Variants in ADGRL3 observed in about 807,000 individuals in gnomAD.
ADGRL3 encodes the protein adhesion G protein-coupled receptor L3.
ADGRL3 carries 62 observed loss-of-function variants against 153.5 expected under a neutral mutation model. The ratio of observed to expected loss-of-function variants is 0.40; its 90% confidence interval spans 0.33 to 0.50. The LOEUF (loss-of-function observed/expected upper bound fraction) is 0.50. ADGRL3 is among the 20% of genes least tolerant of loss of function. The probability of loss-of-function intolerance (pLI) is 0.47; values close to 1 mark genes in which losing one functional copy is unlikely to be tolerated. For synonymous variants in ADGRL3, 710 were observed against 672.5 expected (o/e 1.06, Z -0.86); for missense variants, 1,641 against 1,859.4 (o/e 0.88, Z 2.16).
At chr4:61,636,343 G>T (rs1397940488) in intron 5 of ADGRL3, among the ~76,000 whole-genome samples, 1 of 152,122 alleles carries the variant, frequency 6.6e-6, no homozygotes, top group Non-Finnish European at 1.5e-5. Context: ...ATCAGTAAAG[G>T]ATTTTAAAAT....
At chr4:61,339,742 T>G (rs2095764573) in intron 1 of ADGRL3, among the ~76,000 whole-genome samples, 2 of 152,346 alleles carry the variant, frequency 1.3e-5, no homozygotes, top group East Asian at 1.9e-4. Flanking sequence ...TGTCTTGCCC[T>G]TTGTACATTA....
chr4:61,346,468 A>C (rs1578366309), intron 1 of ADGRL3, among the ~76,000 whole-genome samples: 1 of 152,096 alleles, frequency 6.6e-6, no homozygotes, highest in East Asian at 1.9e-4. Context: ...GTGGTGTCAT[A>C]AAAAGCTAAG....
intron 2 of ADGRL3, among the ~76,000 whole-genome samples, chr4:61,440,641 A>T (rs2097518361): frequency 6.6e-6 from 1 of 151,488 alleles, no homozygotes. Flanking sequence ...GTAGGAGCTG[A>T]GTTGCTGTCT....
At chr4:61,513,874 A>G (rs1312649893) in intron 3 of ADGRL3, among the ~76,000 whole-genome samples, 2 of 152,168 alleles carry the variant, frequency 1.3e-5, no homozygotes, top group African/African-American at 4.8e-5. Flanking sequence ...CTCAGAGCCA[A>G]AATTAACTTT....
intron 17 of ADGRL3, among the ~76,000 whole-genome samples, chr4:61,960,318 G>A (rs180814696): frequency 8.5e-5 from 13 of 152,126 alleles, no homozygotes; most frequent in African/African-American, 2.7e-4. Context: ...AGATCACCTG[G>A]GGAAAGACAG....
intron 1 of ADGRL3, among the ~76,000 whole-genome samples, chr4:61,267,223 G>A (rs2092903225): frequency 6.6e-6 from 1 of 151,684 alleles, no homozygotes; most frequent in Admixed American, 6.6e-5. Context: ...TGAATTGCCA[G>A]AATGTGATAT....
chr4:61,994,647 G>A (rs1252704228), intron 19 of ADGRL3, among the ~76,000 whole-genome samples: 1 of 152,050 alleles, frequency 6.6e-6, no homozygotes, highest in African/African-American at 2.4e-5. Context: ...TTTGCTGTCA[G>A]TAATTACTAA....
intron 9 of ADGRL3, among the ~76,000 whole-genome samples, chr4:61,875,939 A>G (rs977851861): frequency 2.0e-5 from 3 of 152,042 alleles, no homozygotes; most frequent in Non-Finnish European, 4.4e-5. Context: ...TAATCCCAGC[A>G]CTTTGGGAGG....
intron 9 of ADGRL3, among the ~76,000 whole-genome samples, chr4:61,844,418 A>G (rs1006244923): frequency 2.0e-5 from 3 of 149,626 alleles, no homozygotes; most frequent in African/African-American, 7.4e-5. Context: ...ATGGTGGTGG[A>G]CACCTGTAAT....
At chr4:61,264,749 T>C (rs1436508007) in intron 1 of ADGRL3, among the ~76,000 whole-genome samples, 1 of 152,006 alleles carries the variant, frequency 6.6e-6, no homozygotes. Context: ...CAAATACTGC[T>C]AGTACTGGAA....
At chr4:61,840,642 ATTTG>A (rs1342075021) in intron 9 of ADGRL3, among the ~76,000 whole-genome samples, 2 of 151,936 alleles carry the variant, frequency 1.3e-5, no homozygotes, top group East Asian at 1.9e-4. Flanking sequence ...TAATAAATGT[ATTTG>A]TTTGTTTGTT....
intron 1 of ADGRL3, among the ~76,000 whole-genome samples, chr4:61,348,648 C>G (rs146180440): frequency 6.6e-6 from 1 of 151,706 alleles, no homozygotes; most frequent in Non-Finnish European, 1.5e-5. Context: ...ATACAGCAAG[C>G]CTGAATGTGA....
intron 5 of ADGRL3, among the ~76,000 whole-genome samples, chr4:61,669,342 G>A (rs2094914117): frequency 6.6e-6 from 1 of 152,072 alleles, no homozygotes; most frequent in Non-Finnish European, 1.5e-5. Context: ...GTCTTAGGAT[G>A]ACAGGCAGTA....
At chr4:61,406,350 G>A (rs17219787) in intron 2 of ADGRL3, among the ~76,000 whole-genome samples, 5,028 of 151,908 alleles carry the variant, frequency 0.033, 253 homozygotes, top group East Asian at 0.21. Flanking sequence ...GTTAAATTTC[G>A]TAGGTTAAAT....
chr4:61,495,175 A>T (rs2098299559), intron 2 of ADGRL3, among the ~76,000 whole-genome samples: 1 of 152,154 alleles, frequency 6.6e-6, no homozygotes, highest in Admixed American at 6.5e-5. Flanking sequence ...AATTGAGATC[A>T]GGTTGTCTGG....
At chr4:61,289,856 G>T (rs1163261045) in intron 1 of ADGRL3, among the ~76,000 whole-genome samples, 1 of 152,048 alleles carries the variant, frequency 6.6e-6, no homozygotes, top group Non-Finnish European at 1.5e-5. Flanking sequence ...CTGGGCCACT[G>T]GTTCCTCAGG....
chr4:61,976,708 C>G (rs1004041780), intron 17 of ADGRL3, among the ~76,000 whole-genome samples: 11 of 152,158 alleles, frequency 7.2e-5, no homozygotes, highest in African/African-American at 2.2e-4. Context: ...CACAAATTCT[C>G]TCTTGCCTGC....
chr4:62,003,153 T>C (rs1006253138), intron 21 of ADGRL3, among the ~76,000 whole-genome samples: 22 of 152,142 alleles, frequency 1.4e-4, no homozygotes, highest in Non-Finnish European at 3.2e-4. Context: ...GAACACGGAA[T>C]CTACCAGGCT....
chr4:61,393,179 TA>T (rs562959629), intron 2 of ADGRL3, among the ~76,000 whole-genome samples: 1 of 152,056 alleles, frequency 6.6e-6, no homozygotes, highest in Non-Finnish European at 1.5e-5. Flanking sequence ...CTTCTTGATC[TA>T]AAAAAATATG....
Sources: allele counts gnomAD v4.1 joint callset (sites outside exome capture counted in the v4.1 genomes callset), GRCh38; gene constraint gnomAD v4.1.1; transcripts MANE v1.5; gene names NCBI Gene and HGNC (gene_info 2026-07-23, HGNC 2026-07-21).